Variants in ATP2B2 observed in about 807,000 individuals in gnomAD.
ATP2B2 encodes the protein ATPase plasma membrane Ca2+ transporting 2.
In ATP2B2, 15 loss-of-function variants were observed where a neutral mutation model predicts 120.0. The ratio of observed to expected loss-of-function variants is 0.12; its 90% CI spans 0.08 to 0.19. The LOEUF is 0.19. Ranked by LOEUF, ATP2B2 falls within the 10% of genes least tolerant of loss-of-function variation. The pLI is 1.00. For missense variants in ATP2B2, 1,045 were observed against 1,719.8 expected, an observed-to-expected ratio of 0.61 and a Z score of 6.94; for synonymous variants, 694 against 700.3, an observed-to-expected ratio of 0.99 and a Z score of 0.14.
chr3:10,697,624 A>G (rs928276811), intron 1 of ATP2B2, among the ~76,000 whole-genome samples: 3 of 152,178 alleles, frequency 2.0e-5, no homozygotes, highest in Admixed American at 2.0e-4. Context: ...TCCCCACCCC[A>G]TGGCACATAC....
rs532091806 is a variant in ATP2B2, at chr3:10,498,061, G to A, written c.-320+7404C>T. ...CGTATATTTAAGAAATAAAAGGCATGGCTGGTTCCACTGTGGTGTAACACC... is the reference window on the plus strand; with the variant it reads ...CGTATATTTAAGAAATAAAAGGCATAGCTGGTTCCACTGTGGTGTAACACC... On this transcript the variant is annotated intron_variant, in intron 1 of 22. Transcript: ENST00000360273. 2.0e-5 allele frequency among the ~76,000 whole-genome samples: 3 copies of A among 152,332 alleles called. No homozygotes were observed. In the East Asian group the frequency reaches 5.8e-4, roughly 29 times the overall value.
At chr3:10,515,996 T>C (rs955525045) in intron 3 of ATP2B2, among the ~76,000 whole-genome samples, 12 of 152,176 alleles carry the variant, frequency 7.9e-5, no homozygotes, top group Non-Finnish European at 1.6e-4. Flanking sequence ...TGAGAGCCGA[T>C]TGTGTTGTCA....
intron 5 of ATP2B2, among the ~76,000 whole-genome samples, chr3:10,396,086 C>T (rs796647950): frequency 6.6e-6 from 1 of 152,148 alleles, no homozygotes; most frequent in South Asian, 2.1e-4. Context: ...GCTGGTCTGC[C>T]CTCACTTGTC....
intron 1 of ATP2B2, among the ~76,000 whole-genome samples, chr3:10,656,135 G>A (rs2070621072): frequency 6.6e-6 from 1 of 152,166 alleles, no homozygotes; most frequent in Admixed American, 6.5e-5. Context: ...GGAGTTTGGA[G>A]GAGGGAAGGT....
chr3:10,579,775 A>C (rs982826345), intron 2 of ATP2B2, among the ~76,000 whole-genome samples: 2 of 150,840 alleles, frequency 1.3e-5, no homozygotes, highest in South Asian at 4.2e-4. Flanking sequence ...ATGCCACTGC[A>C]CTCCAGCCTG....
intron 2 of ATP2B2, among the ~76,000 whole-genome samples, chr3:10,554,651 C>T (rs1331883116): frequency 6.6e-6 from 1 of 152,212 alleles, no homozygotes; most frequent in Non-Finnish European, 1.5e-5. Flanking sequence ...GACTACAGAA[C>T]TGTCAGCTGA....
intron 1 of ATP2B2, among the ~76,000 whole-genome samples, chr3:10,691,276 C>A (rs1286208357): frequency 6.6e-6 from 1 of 152,140 alleles, no homozygotes; most frequent in Non-Finnish European, 1.5e-5. Context: ...ATAAAATAAC[C>A]GTACAATGGA....
At chr3:10,675,312 T>C (rs1215060260) in intron 1 of ATP2B2, among the ~76,000 whole-genome samples, 1 of 152,218 alleles carries the variant, frequency 6.6e-6, no homozygotes, top group African/African-American at 2.4e-5. Flanking sequence ...TTTTGCCTGC[T>C]CTTGAACTTC....
chr3:10,507,115 T>C (rs34624565), upstream of ATP2B2, among the ~76,000 whole-genome samples: 21,085 of 152,044 alleles, frequency 0.14, 1,562 homozygotes, highest in East Asian at 0.29. Flanking sequence ...GAAGCTACGA[T>C]GTCAAGGGCC....
At chr3:10,534,449 G>A (rs2067269813) in intron 2 of ATP2B2, among the ~76,000 whole-genome samples, 1 of 152,224 alleles carries the variant, frequency 6.6e-6, no homozygotes, top group African/African-American at 2.4e-5. Flanking sequence ...CATGCATCGG[G>A]CATCTAGCCA....
chr3:10,604,858 G>A lies in ATP2B2; in HGVS notation c.-415+15059C>T, dbSNP rs77323546. Among the ~76,000 whole-genome samples, 274 of 152,264 alleles carry A rather than the reference G, an allele frequency of 1.8e-3. 1 individual carries two copies. Among genetic ancestry groups the A allele is most frequent in the South Asian group, 8.9e-3 (43 of 4,818 alleles). ...CCTACTTTTTTCACAGCTCGTGGGT[G>A]TGGGGCCTGTGGATATTAAAACCTG... On this transcript the variant is annotated intron_variant, in intron 2 of 21. Transcript: ENST00000646379.
chr3:10,399,084 T>C (rs893521635), intron 5 of ATP2B2, among the ~76,000 whole-genome samples: 1 of 152,192 alleles, frequency 6.6e-6, no homozygotes, highest in Admixed American at 6.5e-5. Context: ...CATCCTCCCC[T>C]TTTCCCTCTT....
intron 2 of ATP2B2, among the ~76,000 whole-genome samples, chr3:10,413,173 G>A (rs1272468158): frequency 6.6e-6 from 1 of 152,244 alleles, no homozygotes; most frequent in Non-Finnish European, 1.5e-5. Flanking sequence ...AGTGTGATGT[G>A]CATGCAACAG....
intron 3 of ATP2B2, among the ~76,000 whole-genome samples, chr3:10,513,514 G>A (rs1475388085): frequency 6.6e-6 from 1 of 152,136 alleles, no homozygotes; most frequent in Non-Finnish European, 1.5e-5. Flanking sequence ...CGAAGCCCTC[G>A]GTGAGGGCCC....
At position 10,326,527 on chromosome 3, in the gene ATP2B2, G is replaced by A. The variant is rs996906407; in HGVS notation, c.*2287C>T. The A allele has an allele frequency of 7.6e-6, 3 of 395,708 alleles. No homozygotes were observed. Among genetic ancestry groups the A allele is most frequent in the Admixed American group, 8.8e-5 (2 of 22,636 alleles). 24.5% of individuals were successfully genotyped at this position (395,708 alleles called of 1,614,324 possible). The stretch of plus-strand genomic sequence containing the variant: ...GGGGAGATGGAAAACTGTGAGAAAG[G>A]AAACTCCAAAAAACACCATGTTCCA... On this transcript the variant is annotated 3_prime_UTR_variant, in exon 23 of 23. Transcript: ENST00000360273.
intron 2 of ATP2B2, among the ~76,000 whole-genome samples, chr3:10,610,347 C>T (rs1303197342): frequency 1.3e-5 from 2 of 151,958 alleles, no homozygotes; most frequent in African/African-American, 2.4e-5. Flanking sequence ...ATCACAGATA[C>T]TATCCATCCC....
chr3:10,492,455 T>C (rs1023678218), intron 1 of ATP2B2, among the ~76,000 whole-genome samples: 1 of 152,202 alleles, frequency 6.6e-6, no homozygotes, highest in Admixed American at 6.5e-5. Flanking sequence ...CTGAGTGCTC[T>C]TCCTCCCTTG....
At chr3:10,707,047 C>T (rs2071906477) in intron 1 of ATP2B2, among the ~76,000 whole-genome samples, 2 of 152,238 alleles carry the variant, frequency 1.3e-5, no homozygotes. Flanking sequence ...ATCCCGTCCT[C>T]CTGAGGCCTC....
At chr3:10,366,811 G>A (rs2061073589) in intron 12 of ATP2B2, among the ~76,000 whole-genome samples, 1 of 152,218 alleles carries the variant, frequency 6.6e-6, no homozygotes, top group African/African-American at 2.4e-5. Flanking sequence ...GACGTACAAA[G>A]CACCGCAGAC....
Sources: allele counts gnomAD v4.1 joint callset (sites outside exome capture counted in the v4.1 genomes callset), GRCh38; gene constraint gnomAD v4.1.1; transcripts MANE v1.5; gene names NCBI Gene and HGNC (gene_info 2026-07-23, HGNC 2026-07-21).